KHDRBS2: variants seen among roughly 807,000 people sequenced by gnomAD.
The protein encoded by KHDRBS2 is KH RNA binding domain containing, signal transduction associated 2, also known as KH domain-containing, RNA-binding, signal transduction-associated protein 2.
Under a neutral mutation model 44.3 loss-of-function variants are expected in KHDRBS2, and 26 were observed. The ratio of observed to expected loss-of-function variants is 0.59; its 90% CI spans 0.43 to 0.81. The LOEUF (loss-of-function observed/expected upper bound fraction) is 0.81. Among genes scored for constraint, KHDRBS2 ranks in the 40% least tolerant of loss-of-function variants. The probability of loss-of-function intolerance (pLI) is 0.00; values close to 1 mark genes in which losing one functional copy is unlikely to be tolerated. For missense variants in KHDRBS2, 476 were observed against 433.1 expected (o/e 1.10, Z -0.88); for synonymous variants, 194 against 151.1 (o/e 1.28, Z -2.08).
intron 6 of KHDRBS2, among the ~76,000 whole-genome samples, chr6:61,827,060 G>T (rs1322052952): frequency 6.6e-6 from 1 of 152,166 alleles, no homozygotes; most frequent in Non-Finnish European, 1.5e-5. Context: ...CCATGTCAAT[G>T]ATTATTTCAA....
chr6:62,021,080 G>A (rs1278390922), intron 3 of KHDRBS2, among the ~76,000 whole-genome samples: 1 of 151,976 alleles, frequency 6.6e-6, no homozygotes, highest in Admixed American at 6.6e-5. Context: ...TCCTTTTCAG[G>A]AAAATGGATG....
chr6:61,566,343 T>C, the KHDRBS2 span, among the ~76,000 whole-genome samples: 1 of 152,154 alleles, frequency 6.6e-6, no homozygotes, highest in South Asian at 2.1e-4. Flanking sequence ...GGAATGATTA[T>C]AGTTAACAAT....
chr6:62,278,700 C>T (rs1426523425), intron 1 of KHDRBS2, among the ~76,000 whole-genome samples: 2 of 152,076 alleles, frequency 1.3e-5, no homozygotes, highest in African/African-American at 4.8e-5. Context: ...GTCTCAGTAC[C>T]ACAAGATTCG....
chr6:61,969,923 A>G (rs1770968159), intron 4 of KHDRBS2, among the ~76,000 whole-genome samples: 2 of 151,982 alleles, frequency 1.3e-5, no homozygotes, highest in African/African-American at 4.8e-5. Flanking sequence ...TTAAGATGTT[A>G]TTATTCTTGG....
intron 3 of KHDRBS2, among the ~76,000 whole-genome samples, chr6:62,010,679 T>C (rs1780136470): frequency 6.6e-6 from 1 of 152,148 alleles, no homozygotes; most frequent in African/African-American, 2.4e-5. Context: ...GTTTTAAAAA[T>C]GGGAGTTGCC....
chr6:62,073,341 G>C (rs1795627804), intron 2 of KHDRBS2, among the ~76,000 whole-genome samples: 1 of 150,478 alleles, frequency 6.6e-6, no homozygotes, highest in Non-Finnish European at 1.5e-5. Context: ...TTAATATGTT[G>C]GCATGCTGTT....
chr6:62,080,258 T>G lies in KHDRBS2; in HGVS notation c.220-32264A>C, dbSNP rs967772031. Among the ~76,000 whole-genome samples the G allele has an allele frequency of 3.3e-5, 5 of 152,218 alleles. No individual in the cohort carries two copies. In the South Asian group the frequency reaches 8.3e-4, roughly 25 times the overall value. On this transcript the variant is annotated intron_variant, in intron 2 of 8. Coordinates refer to ENST00000281156, the MANE Select transcript of KHDRBS2 (RefSeq NM_152688.4). ...AAAGCACCACATTAAATGGTATATA[T>G]ACATTATTTTACTTAGTTCTTAAGA...
chr6:62,195,514 AG>A (rs1241776966), intron 1 of KHDRBS2, among the ~76,000 whole-genome samples: 1 of 152,176 alleles, frequency 6.6e-6, no homozygotes, highest in African/African-American at 2.4e-5. Context: ...AACAAACAAA[AG>A]TTCTCCCTTA....
intron 6 of KHDRBS2, among the ~76,000 whole-genome samples, chr6:61,834,998 T>A (rs949372911): frequency 1.3e-5 from 2 of 152,074 alleles, no homozygotes; most frequent in Non-Finnish European, 2.9e-5. Context: ...AGCAAAGGGA[T>A]GAAAAGTACA....
chr6:61,638,609 T>A, the KHDRBS2 span, among the ~76,000 whole-genome samples: 1 of 152,162 alleles, frequency 6.6e-6, no homozygotes, highest in East Asian at 1.9e-4. Flanking sequence ...AAGGACTTCA[T>A]GTCTAAAACA....
chr6:61,978,153 A>G lies in KHDRBS2; in HGVS notation c.396T>C (p.His132=), dbSNP rs1773093568. ...GTGGAGCAAACACTTCAATTAATAC[A>G]TGAAGCTCATCACTCAAGTGGGCAT... is the stretch of plus-strand genomic sequence containing the variant. The part of the protein sequence containing the change: ...AKYAHLSDEL[H]VLIEVFAPPG... The change falls in exon 4 of 9, where the codon CAT becomes CAC. Residue 132 remains histidine (H), a synonymous_variant. Coordinates refer to ENST00000281156, the MANE Select transcript of KHDRBS2 (RefSeq NM_152688.4). The G allele has an allele frequency of 1.2e-6, 2 of 1,610,910 alleles. No individual in the cohort carries two copies. The highest frequency in any genetic ancestry group is 8.5e-7 in the Non-Finnish European group (1 of 1,177,546).
chr6:61,611,239 G>A, the KHDRBS2 span, among the ~76,000 whole-genome samples: 558 of 152,198 alleles, frequency 3.7e-3, 2 homozygotes, highest in African/African-American at 0.012. Context: ...CTTTCATATA[G>A]TCATTTACCA....
intron 1 of KHDRBS2, among the ~76,000 whole-genome samples, chr6:62,268,008 A>G (rs1321935503): frequency 2.0e-5 from 3 of 152,104 alleles, no homozygotes; most frequent in Admixed American, 6.6e-5. Flanking sequence ...TGAAGAAAAC[A>G]AAGTATTTTT....
chr6:62,094,997 A>ACCAC (rs1233232112), intron 2 of KHDRBS2, among the ~76,000 whole-genome samples: 2 of 151,896 alleles, frequency 1.3e-5, no homozygotes, highest in African/African-American at 4.8e-5. Flanking sequence ...GTAGTGTGCT[A>ACCAC]CCACCAGCTT....
At chr6:61,938,405 C>A (rs1400408949) in intron 4 of KHDRBS2, among the ~76,000 whole-genome samples, 17 of 152,072 alleles carry the variant, frequency 1.1e-4, no homozygotes, top group Non-Finnish European at 7.4e-5. Flanking sequence ...TGAGGATGAG[C>A]AAAGTATTTT....
chr6:62,086,130 T>A (rs1798332993), intron 2 of KHDRBS2, among the ~76,000 whole-genome samples: 1 of 152,162 alleles, frequency 6.6e-6, no homozygotes. Context: ...GGCAATTCCA[T>A]TTGCCAATTT....
intron 7 of KHDRBS2, among the ~76,000 whole-genome samples, chr6:61,721,064 G>A (rs1033914752): frequency 1.3e-5 from 2 of 151,556 alleles, no homozygotes; most frequent in Non-Finnish European, 2.9e-5. Context: ...GTTTTTCTCA[G>A]GTTTGTCAAA....
intron 2 of KHDRBS2, among the ~76,000 whole-genome samples, chr6:62,109,566 C>A (rs1168258667): frequency 6.6e-6 from 1 of 151,566 alleles, no homozygotes; most frequent in East Asian, 1.9e-4. Flanking sequence ...TAAAAGCTAC[C>A]AATAGATAAG....
At chr6:61,992,198 A>T (rs1472450928) in intron 3 of KHDRBS2, among the ~76,000 whole-genome samples, 1 of 152,194 alleles carries the variant, frequency 6.6e-6, no homozygotes, top group Admixed American at 6.5e-5. Context: ...CTTGGCTAAC[A>T]TCTTGTTTAC....
Sources: gnomAD v4.1 joint callset for allele counts (sites outside exome capture counted in the v4.1 genomes callset) on GRCh38, gnomAD v4.1.1 for gene constraint, MANE v1.5 for transcripts, NCBI Gene and HGNC (gene_info 2026-07-23, HGNC 2026-07-21) for gene names.